Variants in GLRA2 observed in about 807,000 individuals in gnomAD.
GLRA2 encodes glycine receptor subunit alpha-2.
GLRA2 carries 11 observed loss-of-function variants against 31.6 expected under a neutral mutation model. The ratio of observed to expected loss-of-function variants is 0.35; its 90% CI spans 0.22 to 0.58. GLRA2 has a LOEUF of 0.58. Among genes scored for constraint, GLRA2 ranks in the 20% least tolerant of loss-of-function variants. The pLI is 0.84. For synonymous variants in GLRA2, 132 were observed against 134.0 expected (o/e 0.99, Z 0.10); for missense variants, 212 against 351.8 (o/e 0.60, Z 3.18).
intron 4 of GLRA2, 56 bp from the exon 5 acceptor site, chrX:14,604,259 A>G: frequency 1.4e-6 from 1 of 699,282 alleles, no homozygotes; most frequent in South Asian, 2.3e-5. Context: ...TTGTTTCTCA[A>G]CAACTGGACT....
intron 2 of GLRA2, among the ~76,000 whole-genome samples, chrX:14,568,742 C>T (rs1472708734): frequency 2.8e-5 from 3 of 106,146 alleles, no homozygotes; most frequent in Admixed American, 1.0e-4. Flanking sequence ...GCTGGCACAA[C>T]TGAATTTCCA....
intron 8 of GLRA2, among the ~76,000 whole-genome samples, chrX:14,716,446 G>A (rs2091786627): frequency 8.9e-6 from 1 of 111,811 alleles, no homozygotes. Flanking sequence ...GAAGAGGATG[G>A]AAGTCCTTTG....
At chrX:14,718,931 A>ACC (rs1374423257) in intron 8 of GLRA2, among the ~76,000 whole-genome samples, 1 of 111,738 alleles carries the variant, frequency 8.9e-6, no homozygotes, top group Non-Finnish European at 1.9e-5. Flanking sequence ...GGGGACATAG[A>ACC]CCCCTAACTC....
the GLRA2 span, among the ~76,000 whole-genome samples, chrX:14,463,368 C>A: frequency 9.0e-6 from 1 of 111,362 alleles, no homozygotes; most frequent in African/African-American, 3.3e-5. Flanking sequence ...CTGGGAGAAC[C>A]ACTGCTCTCT....
At chrX:14,653,013 T>A (rs1173118316) in intron 7 of GLRA2, among the ~76,000 whole-genome samples, 1 of 110,472 alleles carries the variant, frequency 9.1e-6, no homozygotes, top group Non-Finnish European at 1.9e-5. Context: ...AACACCTAAA[T>A]GAATATTTAG....
At chrX:14,521,380 G>A in the GLRA2 span, among the ~76,000 whole-genome samples, 2 of 111,679 alleles carry the variant, frequency 1.8e-5, no homozygotes, top group South Asian at 3.7e-4. Context: ...TCTCTCTCCC[G>A]AAGATAGGAC....
At chrX:14,468,768 C>T in the GLRA2 span, among the ~76,000 whole-genome samples, 3 of 110,953 alleles carry the variant, frequency 2.7e-5, no homozygotes, top group Non-Finnish European at 5.7e-5. Flanking sequence ...TGAACTAGTT[C>T]ACAGTCCCAC....
intron 8 of GLRA2, among the ~76,000 whole-genome samples, chrX:14,713,357 T>C (rs1011320789): frequency 8.9e-6 from 1 of 112,202 alleles, no homozygotes; most frequent in African/African-American, 3.2e-5. Context: ...CTTAGAATTT[T>C]GTGTGTCTTT....
intron 2 of GLRA2, among the ~76,000 whole-genome samples, chrX:14,538,722 T>C (rs781490538): frequency 3.6e-5 from 4 of 111,958 alleles, no homozygotes; most frequent in Non-Finnish European, 7.5e-5. Context: ...TTTAACTTAG[T>C]CCTATAAAGG....
intron 1 of GLRA2, chrX:14,531,195 G>A (rs2089250658): frequency 4.6e-6 from 4 of 876,905 alleles, no homozygotes; most frequent in Non-Finnish European, 6.0e-6. Context: ...ATTTATGCAT[G>A]CTCATATCAA....
At chrX:14,616,730 C>G (rs2090458088) in intron 7 of GLRA2, among the ~76,000 whole-genome samples, 1 of 111,819 alleles carries the variant, frequency 8.9e-6, no homozygotes, top group African/African-American at 3.2e-5. Context: ...GGTATATCCC[C>G]AGCTAATTTA....
intron 8 of GLRA2, among the ~76,000 whole-genome samples, chrX:14,727,771 C>T (rs772359454): frequency 1.3e-3 from 145 of 112,277 alleles, no homozygotes; most frequent in Non-Finnish European, 2.1e-3. Context: ...TAACTGAGCA[C>T]ATGGAAGTAC....
chrX:14,522,031 C>T, the GLRA2 span, among the ~76,000 whole-genome samples: 11 of 111,415 alleles, frequency 9.9e-5, no homozygotes, highest in East Asian at 2.8e-3. Flanking sequence ...CCACATAGAT[C>T]GACTCCTCTT....
At chrX:14,498,753 T>G in the GLRA2 span, among the ~76,000 whole-genome samples, 1 of 111,363 alleles carries the variant, frequency 9.0e-6, no homozygotes, top group Admixed American at 9.5e-5. Flanking sequence ...TCAGCCTCTC[T>G]TCATTTCCCC....
At chrX:14,457,310 C>T in the GLRA2 span, among the ~76,000 whole-genome samples, 1 of 111,383 alleles carries the variant, frequency 9.0e-6, no homozygotes, top group Non-Finnish European at 1.9e-5. Context: ...ATCAACCCGT[C>T]ACCTACGTTA....
chrX:14,632,846 T>C (rs982852411), intron 7 of GLRA2, among the ~76,000 whole-genome samples: 17 of 111,714 alleles, frequency 1.5e-4, no homozygotes, highest in African/African-American at 2.3e-4. Flanking sequence ...ACACATACTG[T>C]ATTAGGTATT....
rs767343829 is a variant in GLRA2, at chrX:14,639,630, C to G, written c.930+30425C>G. ...GTTCTGTGCCCTGTGCTTTCTACCC[C>G]TCAAACACTGCACATCATTAGCAAT... On this transcript the variant is annotated intron_variant, in intron 7 of 8. Coordinates refer to ENST00000218075, the MANE Select transcript of GLRA2 (RefSeq NM_002063.4). Among the ~76,000 whole-genome samples the G allele has an allele frequency of 8.1e-5, 9 of 111,754 alleles. No homozygotes were observed. The East Asian group carries it at 1.4e-3, about 18-fold the overall frequency.
the GLRA2 span, among the ~76,000 whole-genome samples, chrX:14,516,790 C>T: frequency 9.0e-6 from 1 of 111,400 alleles, no homozygotes; most frequent in Non-Finnish European, 1.9e-5. Context: ...AGAAAGAGGC[C>T]ACATGTAGGT....
chrX:14,523,847 A>C, the GLRA2 span, among the ~76,000 whole-genome samples: 1 of 111,864 alleles, frequency 8.9e-6, no homozygotes, highest in Non-Finnish European at 1.9e-5. Flanking sequence ...TCACCATAAT[A>C]GATATAATAA....
Sources: gnomAD v4.1 joint callset for allele counts (sites outside exome capture counted in the v4.1 genomes callset) on GRCh38, gnomAD v4.1.1 for gene constraint, MANE v1.5 for transcripts, NCBI Gene and HGNC (gene_info 2026-07-23, HGNC 2026-07-21) for gene names.